Variants in EPOR observed in about 807,000 individuals in gnomAD.
The protein encoded by EPOR is erythropoietin receptor.
A neutral mutation model predicts 34.3 loss-of-function variants in EPOR; 20 were observed. The observed-to-expected ratio is 0.58, with a 90% CI of 0.41 to 0.85. EPOR has a LOEUF of 0.85. Among genes scored for constraint, EPOR ranks in the 40% least tolerant of loss-of-function variants. The pLI is 0.00. For synonymous variants in EPOR, 312 were observed against 299.0 expected (o/e 1.04, Z -0.45); for missense variants, 601 against 672.7 (o/e 0.89, Z 1.18).
chr19:11,379,308 A>G (rs1410832990), intron 6 of EPOR, among the ~76,000 whole-genome samples: 1 of 152,202 alleles, frequency 6.6e-6, no homozygotes, highest in Non-Finnish European at 1.5e-5. Flanking sequence ...CAAGCCAGGC[A>G]CGGTGGCTCA....
chr19:11,381,057 G>A lies in EPOR; in HGVS notation c.738C>T (p.Ser246=), dbSNP rs200636512. The change falls in exon 5 of 8, where the codon AGC becomes AGT. Residue 246 remains serine (S), a splice_region_variant and synonymous_variant. Coordinates refer to ENST00000222139, the MANE Select transcript of EPOR (RefSeq NM_000121.4). This position sits in a 1 kb window ranked among gnomAD's most constrained non-coding sequence, Gnocchi z 5.3. The part of the protein sequence containing the change: ...WSEPVSLLTP[S]DLDPLILTLS... ...CTACACCCCCGCCTGGGGCCTCACC[G>A]CTAGGCGTCAGCAGCGACACAGGCT... The A allele has an allele frequency of 7.5e-6, 12 of 1,600,250 alleles. No homozygotes were observed. The highest frequency in any genetic ancestry group is 2.3e-5 in the South Asian group (2 of 88,744).
In EPOR at chr19:11,383,906, A is replaced by G. The variant is rs1299852855; in HGVS notation, c.115+187T>C. On this transcript the variant is annotated intron_variant, in intron 1 of 7. Coordinates refer to ENST00000222139, the MANE Select transcript of EPOR (RefSeq NM_000121.4). This position sits in a 1 kb window ranked among gnomAD's most constrained non-coding sequence, Gnocchi z 4.9. ...GACGCGATCAGGAGTCTTGGATCCT[A>G]ACATACCCCACCCCGCCCCCCACCC... Among the ~76,000 whole-genome samples, 1 of 149,508 alleles carries G rather than the reference A, an allele frequency of 6.7e-6. No homozygotes were observed. Among genetic ancestry groups the G allele is most frequent in the Non-Finnish European group, 1.5e-5 (1 of 67,176 alleles).
intron 6 of EPOR, among the ~76,000 whole-genome samples, chr19:11,380,591 C>T (rs1568329005): frequency 6.6e-6 from 1 of 152,184 alleles, no homozygotes. Context: ...TCACTAAATC[C>T]ATCTAGTTGA....
At position 11,383,511 on chromosome 19, in the gene EPOR, T is replaced by A; in HGVS notation, c.116-279A>T. On this transcript the variant is annotated intron_variant, in intron 1 of 7. Coordinates refer to ENST00000222139, the MANE Select transcript of EPOR (RefSeq NM_000121.4). The surrounding 1 kb of genome is among the most constrained non-coding windows in gnomAD (Gnocchi z 4.9). ...GGGCGCGGCGTTCAAGACCTCGAGC[T>A]CGGGACTGCCAGCCCCGCCCCAGCC... 1 of 364,800 alleles carries A rather than the reference T, an allele frequency of 2.7e-6. No individual in the cohort carries two copies. Among genetic ancestry groups the A allele is most frequent in the South Asian group, 4.7e-5 (1 of 21,166 alleles). The allele number at this position is 364,800 out of a possible 1,614,324, so 22.6% of individuals were successfully genotyped here. A position where few individuals can be genotyped will look rare whatever the true frequency, so the allele number is the denominator to read the frequency against.
rs1199149435 is a variant in EPOR, at chr19:11,381,635, G to C, written c.585+57C>G. ...GGCACCGGGCGCGACCTCGAGAGGC[G>C]TGGCTGGGCCGTAGTCAGTGGAGCT... On this transcript the variant is annotated intron_variant, in intron 4 of 7. Coordinates refer to ENST00000222139, the MANE Select transcript of EPOR (RefSeq NM_000121.4). The surrounding 1 kb of genome is among the most constrained non-coding windows in gnomAD (Gnocchi z 5.3). 2 of 1,542,720 alleles carry C rather than the reference G, an allele frequency of 1.3e-6. No homozygotes were observed. The highest frequency in any genetic ancestry group is 2.7e-5 in the African/African-American group (2 of 73,120).
rs779926236 is a variant in EPOR, at chr19:11,381,099, G to A, written c.696C>T (p.Phe232=). 8.8e-6 allele frequency: 14 copies of A among 1,594,070 alleles called. No individual in the cohort carries two copies. The highest frequency in any genetic ancestry group is 5.7e-5 in the South Asian group (5 of 88,180). Residue 232 remains phenylalanine (F), a synonymous_variant, in exon 5 of 8, where the codon TTC becomes TTT. Coordinates refer to ENST00000222139, the MANE Select transcript of EPOR (RefSeq NM_000121.4). This position sits in a 1 kb window ranked among gnomAD's most constrained non-coding sequence, Gnocchi z 5.3. ...ARMAEPSFGG[F]WSAWSEPVSL... The stretch of plus-strand genomic sequence containing the variant: ...ACACAGGCTCCGACCAGGCGCTCCA[G>A]AAGCCGCCGAAGCTCGGCTCAGCCA...
rs1252976664 is a variant in EPOR at position 11,381,015 on chromosome 19, A to G, written c.739+41T>C. Reference sequence around the variant, plus strand: ...GTCAGGGCGGTGGGCTTGCCCCGTGATTCGCCCTGGCTCCTCCTACACCCC... The same window carrying G: ...GTCAGGGCGGTGGGCTTGCCCCGTGGTTCGCCCTGGCTCCTCCTACACCCC... On this transcript the variant is annotated intron_variant, in intron 5 of 7. Transcript: ENST00000222139. The surrounding 1 kb of genome is among the most constrained non-coding windows in gnomAD (Gnocchi z 5.3). The G allele has an allele frequency of 1.3e-6, 2 of 1,570,556 alleles. No individual in the cohort carries two copies. The highest frequency in any genetic ancestry group is 1.2e-5 in the South Asian group (1 of 85,662).
intron 2 of EPOR, 196 bp downstream of exon 2, chr19:11,382,901 G>A (rs1968382389): frequency 6.5e-7 from 1 of 1,529,848 alleles, no homozygotes. Context: ...GCGTTCCAGC[G>A]GTGATCGCGG....
At position 11,378,035 on chromosome 19, in the gene EPOR, G is replaced by A. The variant is rs1326773357; in HGVS notation, c.1476C>T (p.Ser492=). ...GCAGAGGCTCAGCGGCTGGGATAAGGCTGTTCTCATAAGGGTTGGAGTAGG... is the reference window on the plus strand; with the variant it reads ...GCAGAGGCTCAGCGGCTGGGATAAGACTGTTCTCATAAGGGTTGGAGTAGG... ...DGPYSNPYEN[S]LIPAAEPLPP... Residue 492 remains serine, a synonymous_variant, in exon 8 of 8, where the codon AGC becomes AGT. Transcript: ENST00000222139. This position sits in a 1 kb window ranked among gnomAD's most constrained non-coding sequence, Gnocchi z 5.3. The A allele has an allele frequency of 6.2e-7, 1 of 1,614,134 alleles. No homozygotes were observed. Among genetic ancestry groups the A allele is most frequent in the East Asian group, 2.2e-5 (1 of 44,878 alleles).
Position 11,383,045 on chromosome 19 carries a change from CTGCCCCA to C in EPOR, c.251+45_251+51del, listed in dbSNP as rs757511012. The C allele has an allele frequency of 9.9e-6, 16 of 1,611,324 alleles. No homozygotes were observed. Among genetic ancestry groups the C allele is most frequent in the Non-Finnish European group, 1.7e-6 (2 of 1,179,716 alleles). On this transcript the variant is annotated intron_variant, in intron 2 of 7. Transcript: ENST00000222139. This position sits in a 1 kb window ranked among gnomAD's most constrained non-coding sequence, Gnocchi z 4.9. ...ACGAGGCTACGACCTCCAGGGAGCT[CTGCCCCA>C]CCCCCTCCCTCCGCCCTTGGAGGCA...
At position 11,383,406 on chromosome 19, in the gene EPOR, C is replaced by G. The variant is rs908280087; in HGVS notation, c.116-174G>C. ...CCGCAGAGGTGGTGCCCCCCTAATTCCCAGGGGCAAGTTTCTCGCCTTACT... is the reference window on the plus strand; with the variant it reads ...CCGCAGAGGTGGTGCCCCCCTAATTGCCAGGGGCAAGTTTCTCGCCTTACT... On this transcript the variant is annotated intron_variant, in intron 1 of 7. Transcript: ENST00000222139. The surrounding 1 kb of genome is among the most constrained non-coding windows in gnomAD (Gnocchi z 4.9). 4.8e-6 allele frequency: 3 copies of G among 620,010 alleles called. No individual in the cohort carries two copies. 38.4% of individuals were successfully genotyped at this position (620,010 alleles called of 1,614,324 possible).
At position 11,377,953 on chromosome 19, in the gene EPOR, T is replaced by C. The variant is rs533243191; in HGVS notation, c.*31A>G. 3.7e-6 allele frequency: 6 copies of C among 1,613,228 alleles called. No individual in the cohort carries two copies. The highest frequency in any genetic ancestry group is 5.1e-6 in the Non-Finnish European group (6 of 1,179,928). ...GTCTGCACTGGTTCTCTGAGTCATATTGGATCCCTGATCATCTGCAGCCTG... is the reference window on the plus strand; with the variant it reads ...GTCTGCACTGGTTCTCTGAGTCATACTGGATCCCTGATCATCTGCAGCCTG... On this transcript the variant is annotated 3_prime_UTR_variant, in exon 8 of 8. Coordinates refer to ENST00000222139, the MANE Select transcript of EPOR (RefSeq NM_000121.4).
In EPOR at chr19:11,378,828, C is replaced by CA. The variant is rs747796857; in HGVS notation, c.828-51dup. 1.3e-4 allele frequency: 208 copies of CA among 1,554,536 alleles called. 3 individuals are homozygous for CA. Among genetic ancestry groups the CA allele is most frequent in the Admixed American group, 3.4e-5 (2 of 59,544 alleles). Reference sequence around the variant, plus strand: ...ACATAGATATGACTCATTGAATACTCACCAATTCCCCCTCCACTCCCAGTC... The same window carrying CA: ...ACATAGATATGACTCATTGAATACTCAACCAATTCCCCCTCCACTCCCAGTC... On this transcript the variant is annotated intron_variant, in intron 6 of 7. Transcript: ENST00000222139. This position sits in a 1 kb window ranked among gnomAD's most constrained non-coding sequence, Gnocchi z 5.3.
In EPOR at chr19:11,378,159, T is replaced by G. The variant is rs1312770718; in HGVS notation, c.1352A>C (p.His451Pro). 1 of 1,613,744 alleles carries G rather than the reference T, an allele frequency of 6.2e-7. No individual in the cohort carries two copies. Among genetic ancestry groups the G allele is most frequent in the Non-Finnish European group, 8.5e-7 (1 of 1,179,948 alleles). The change falls in exon 8 of 8, where the codon CAC becomes CCC. Residue 451 changes from histidine (H) to proline (P), a missense_variant. Coordinates refer to ENST00000222139, the MANE Select transcript of EPOR (RefSeq NM_000121.4). This position sits in a 1 kb window ranked among gnomAD's most constrained non-coding sequence, Gnocchi z 5.3. ...LCPELPPTPP[H>P]LKYLYLVVSD... ...TACCACAAGGTACAGGTACTTTAGG[T>G]GGGGTGGGGTAGGGGGCAGCTCAGG...
Position 11,384,299 on chromosome 19 carries a change from C to G in EPOR, c.-92G>C. The G allele has an allele frequency of 2.3e-6, 2 of 852,626 alleles. No homozygotes were observed. Among genetic ancestry groups the G allele is most frequent in the Non-Finnish European group, 3.8e-6 (2 of 524,524 alleles). 52.8% of individuals were successfully genotyped at this position (852,626 alleles called of 1,614,324 possible). A position where few individuals can be genotyped will look rare whatever the true frequency, so the allele number is the denominator to read the frequency against. On this transcript the variant is annotated 5_prime_UTR_variant, in exon 1 of 8. Transcript: ENST00000222139. ...ACAGCTGGGTCAGCAGCTGCCTCCG[C>G]CGGACGCAGCTGACCAGGCCCTTCC... is the stretch of plus-strand genomic sequence containing the variant.
rs376532680 is a variant in EPOR, at chr19:11,381,962, C to T, written c.395G>A (p.Arg132Gln). The change falls in exon 3 of 8, where the codon CGA (arginine) becomes CAA (glutamine). Residue 132 changes from arginine to glutamine, a missense_variant. Coordinates refer to ENST00000222139, the MANE Select transcript of EPOR (RefSeq NM_000121.4). The surrounding 1 kb of genome is among the most constrained non-coding windows in gnomAD (Gnocchi z 5.3). ...ATTGATGTGGATGACACGGTGATAT[C>T]GCGGAGCGCCGGAGGCTGCTGTGAC... Reference protein sequence around the residue: ...LRVTAASGAPRYHRVIHINEV... With the variant: ...LRVTAASGAPQYHRVIHINEV... 3.3e-5 allele frequency: 54 copies of T among 1,614,096 alleles called. No individual in the cohort carries two copies. The highest frequency in any genetic ancestry group is 4.5e-5 in the Non-Finnish European group (53 of 1,180,032).
At position 11,383,309 on chromosome 19, in the gene EPOR, C is replaced by G. The variant is rs1022158606; in HGVS notation, c.116-77G>C. 8.5e-6 allele frequency: 12 copies of G among 1,419,398 alleles called. No individual in the cohort carries two copies. The Admixed American group carries it at 1.9e-4, about 23-fold the overall frequency. 87.9% of individuals were successfully genotyped at this position (1,419,398 alleles called of 1,614,324 possible). On this transcript the variant is annotated intron_variant, in intron 1 of 7. Coordinates refer to ENST00000222139, the MANE Select transcript of EPOR (RefSeq NM_000121.4). This position sits in a 1 kb window ranked among gnomAD's most constrained non-coding sequence, Gnocchi z 4.9. The stretch of plus-strand genomic sequence containing the variant: ...GAGACAGCCCCCTCCTCTTCCCTCC[C>G]GCAGCCTGGGCGGACCCGATAAGAA...
In EPOR at chr19:11,378,848, C is replaced by G; in HGVS notation, c.828-70G>C. 6.9e-7 allele frequency: 1 copy of G among 1,456,308 alleles called. No individual in the cohort carries two copies. The allele number at this position is 1,456,308 out of a possible 1,614,324, so 90.2% of individuals were successfully genotyped here. On this transcript the variant is annotated intron_variant, in intron 6 of 7. Transcript: ENST00000222139. This position sits in a 1 kb window ranked among gnomAD's most constrained non-coding sequence, Gnocchi z 5.3. ...ATACTCACCAATTCCCCCTCCACTC[C>G]CAGTCATAGAGGCACAGATACACTT...
At position 11,378,512 on chromosome 19, in the gene EPOR, G is replaced by T. The variant is rs780132743; in HGVS notation, c.999C>A (p.Val333=). ...FTEDPPASLE[V]LSERCWGTMQ... is the part of the protein sequence containing the mutation. ...TCGTCCCCCAGCAGCGCTCTGAGAGGACTTCCAGGGAAGCAGGTGGGTCCT... is the reference window on the plus strand; with the variant it reads ...TCGTCCCCCAGCAGCGCTCTGAGAGTACTTCCAGGGAAGCAGGTGGGTCCT... The change falls in exon 8 of 8, where the codon GTC becomes GTA. Residue 333 remains valine, a synonymous_variant. Coordinates refer to ENST00000222139, the MANE Select transcript of EPOR (RefSeq NM_000121.4). This position sits in a 1 kb window ranked among gnomAD's most constrained non-coding sequence, Gnocchi z 5.3. 4.0e-5 allele frequency: 64 copies of T among 1,614,100 alleles called. No individual in the cohort carries two copies. Among genetic ancestry groups the T allele is most frequent in the South Asian group, 3.7e-4 (34 of 91,092 alleles).
Sources: gnomAD v4.1 joint callset for allele counts (sites outside exome capture counted in the v4.1 genomes callset) on GRCh38, gnomAD v4.1.1 for gene constraint, Gnocchi (gnomAD v3.1) non-coding constraint, MANE v1.5 for transcripts, NCBI Gene and HGNC (gene_info 2026-07-23, HGNC 2026-07-21) for gene names.